ERICH5: variants seen among roughly 807,000 people sequenced by gnomAD.
ERICH5 encodes glutamate rich 5, also known as glutamate-rich protein 5.
Under a neutral mutation model 28.0 loss-of-function variants are expected in ERICH5, and 24 were observed. That is an observed-to-expected ratio of 0.86 (90% CI 0.62 to 1.21). The LOEUF (loss-of-function observed/expected upper bound fraction) is 1.21. Among genes scored for constraint, ERICH5 ranks in the 50% most tolerant of loss-of-function variants. ERICH5 has a pLI of 0.00. For missense variants in ERICH5, 421 were observed against 441.2 expected, an observed-to-expected ratio of 0.95 and a Z score of 0.41; for synonymous variants, 163 against 157.6, an observed-to-expected ratio of 1.03 and a Z score of -0.25.
At chr8:98,091,879 T>TCTTTC (rs1554621719) in intron 2 of ERICH5, among the ~76,000 whole-genome samples, 2 of 94,756 alleles carry the variant, frequency 2.1e-5, no homozygotes, top group Non-Finnish European at 4.3e-5. Context: ...TTTCTTTCTT[T>TCTTTC]CTTTCTTTCT....
chr8:98,085,899 G>T (rs1006058388), intron 1 of ERICH5, among the ~76,000 whole-genome samples: 5 of 152,164 alleles, frequency 3.3e-5, no homozygotes, highest in Non-Finnish European at 7.4e-5. Flanking sequence ...AGCGTTTATC[G>T]CATGGGATTG....
intron 2 of ERICH5, among the ~76,000 whole-genome samples, chr8:98,090,354 G>T (rs1019147518): frequency 6.6e-6 from 1 of 152,128 alleles, no homozygotes; most frequent in Non-Finnish European, 1.5e-5. Context: ...ATGAAATCAG[G>T]ATCCAAAGTA....
At chr8:98,079,894 C>T (rs930152105) in intron 1 of ERICH5, among the ~76,000 whole-genome samples, 2 of 152,210 alleles carry the variant, frequency 1.3e-5, no homozygotes, top group Non-Finnish European at 2.9e-5. Flanking sequence ...GATAACAATA[C>T]AACTTTGTAG....
chr8:98,086,997 G>C (rs1229405754), intron 1 of ERICH5, among the ~76,000 whole-genome samples: 1 of 151,548 alleles, frequency 6.6e-6, no homozygotes, highest in Non-Finnish European at 1.5e-5. Context: ...TGGAGAGAGT[G>C]GCTGGTGGTC....
intron 1 of ERICH5, among the ~76,000 whole-genome samples, chr8:98,075,107 C>G (rs909464482): frequency 5.3e-5 from 8 of 152,136 alleles, no homozygotes; most frequent in African/African-American, 1.7e-4. Flanking sequence ...AGGAAGACCA[C>G]AGAGATAAAC....
In ERICH5 at chr8:98,088,527, C is replaced by G. The variant is rs751895309; in HGVS notation, c.59-549C>G. Among the ~76,000 whole-genome samples the G allele has an allele frequency of 3.9e-4, 59 of 152,300 alleles. 1 individual carries two copies. The highest frequency in any genetic ancestry group is 5.7e-4 in the Non-Finnish European group (39 of 68,026). ...CTCTGCTACTTCCCTTCCCAGACAT[C>G]TTAGCCTTTACCTATTAGGGCTTCT... On this transcript the variant is annotated intron_variant, in intron 1 of 2. Coordinates refer to ENST00000318528, the MANE Select transcript of ERICH5 (RefSeq NM_173549.3).
intron 1 of ERICH5, among the ~76,000 whole-genome samples, chr8:98,082,644 T>TC (rs1815204091): frequency 1.3e-5 from 1 of 74,294 alleles, no homozygotes. Flanking sequence ...AAACTCCATC[T>TC]CAAAAAAAAA....
chr8:98,082,490 A>T (rs1396008274), intron 1 of ERICH5, among the ~76,000 whole-genome samples: 1 of 152,038 alleles, frequency 6.6e-6, no homozygotes, highest in African/African-American at 2.4e-5. Flanking sequence ...TCCTAAAAAT[A>T]CAAAATTAGC....
chr8:98,075,105 C>T (rs1815024191), intron 1 of ERICH5, among the ~76,000 whole-genome samples: 1 of 151,996 alleles, frequency 6.6e-6, no homozygotes, highest in African/African-American at 2.4e-5. Flanking sequence ...GGAGGAAGAC[C>T]ACAGAGATAA....
intron 1 of ERICH5, among the ~76,000 whole-genome samples, chr8:98,079,532 T>C (rs1815132609): frequency 6.6e-6 from 1 of 152,102 alleles, no homozygotes; most frequent in African/African-American, 2.4e-5. Context: ...TTATAAGTAC[T>C]TTTATTTATG....
chr8:98,077,702 T>C (rs972039393), intron 1 of ERICH5, among the ~76,000 whole-genome samples: 2 of 152,120 alleles, frequency 1.3e-5, no homozygotes, highest in African/African-American at 4.8e-5. Flanking sequence ...TTCTAATTAC[T>C]AATTATGTTC....
intron 2 of ERICH5, among the ~76,000 whole-genome samples, chr8:98,091,900 C>CTTTCTTTCTTCCTTCCTTT: frequency 4.0e-5 from 3 of 74,708 alleles, no homozygotes; most frequent in African/African-American, 1.7e-4. Context: ...TTCTTTCTTT[C>CTTTCTTTCTTCCTTCCTTT]CTTTCTTTCT....
intron 1 of ERICH5, among the ~76,000 whole-genome samples, chr8:98,074,426 C>CTT (rs35893011): frequency 0.023 from 3,042 of 133,036 alleles, 145 homozygotes; most frequent in African/African-American, 0.075. Context: ...TTTTAATTTA[C>CTT]TTTTTTTTTT....
chr8:98,089,940 T>C lies in ERICH5; in HGVS notation c.923T>C (p.Met308Thr). Residue 308 changes from methionine (M) to threonine (T), a missense_variant, in exon 2 of 3, where the codon ATG (methionine) becomes ACG (threonine). Met to Thr is a moderately conservative substitution (Grantham distance 81). Transcript: ENST00000318528. ...QIQPEGIVGS[M>T]EHPARNVEAG... ...CAACCTGAAGGAATAGTTGGAAGCA[T>C]GGAGCATCCAGCACGAAATGTAGAG... is the stretch of plus-strand genomic sequence containing the variant. 2 of 1,614,140 alleles carry C rather than the reference T, an allele frequency of 1.2e-6. No individual in the cohort carries two copies. Among genetic ancestry groups the C allele is most frequent in the Non-Finnish European group, 8.5e-7 (1 of 1,180,006 alleles).
intron 1 of ERICH5, among the ~76,000 whole-genome samples, chr8:98,080,294 G>T (rs185378532): frequency 7.2e-5 from 11 of 152,344 alleles, no homozygotes; most frequent in African/African-American, 2.6e-4. Flanking sequence ...GAGAGGTTAG[G>T]AACTAACTTG....
At chr8:98,075,177 C>T (rs1045469414) in intron 1 of ERICH5, among the ~76,000 whole-genome samples, 4 of 152,054 alleles carry the variant, frequency 2.6e-5, no homozygotes, top group Non-Finnish European at 5.9e-5. Flanking sequence ...CTCACTGCCC[C>T]CTAGACTTCT....
chr8:98,080,079 C>T (rs1410542707), intron 1 of ERICH5, among the ~76,000 whole-genome samples: 1 of 152,236 alleles, frequency 6.6e-6, no homozygotes, highest in African/African-American at 2.4e-5. Flanking sequence ...CACATGCACC[C>T]TTGCAGATGC....
At chr8:98,076,603 C>T (rs1285823558) in intron 1 of ERICH5, among the ~76,000 whole-genome samples, 1 of 152,086 alleles carries the variant, frequency 6.6e-6, no homozygotes, top group Non-Finnish European at 1.5e-5. Context: ...AGAGACCACA[C>T]TAAGATAGGC....
chr8:98,089,284 C>T lies in ERICH5; in HGVS notation c.267C>T (p.Ala89=). ...AACAGCCCCTGGCCAAGGACGTAGC[C>T]CCTGGAAGGGATGCCACAGACCAAT... is the stretch of plus-strand genomic sequence containing the variant. The part of the protein sequence containing the change: ...LQEQPLAKDV[A]PGRDATDQSG... The change falls in exon 2 of 3, where the codon GCC becomes GCT. Residue 89 remains alanine, a synonymous_variant. Transcript: ENST00000318528. The T allele has an allele frequency of 6.2e-7, 1 of 1,614,188 alleles. No homozygotes were observed. The highest frequency in any genetic ancestry group is 1.7e-5 in the Admixed American group (1 of 60,014).
Sources: gnomAD v4.1 joint callset for allele counts (sites outside exome capture counted in the v4.1 genomes callset) on GRCh38, gnomAD v4.1.1 for gene constraint, MANE v1.5 for transcripts, NCBI Gene and HGNC (gene_info 2026-07-23, HGNC 2026-07-21) for gene names.